Variants in ZNF407 observed in about 807,000 individuals in gnomAD.
The protein encoded by ZNF407 is zinc finger protein 407.
ZNF407 carries 17 observed loss-of-function variants against 131.2 expected under a neutral mutation model. That is an observed-to-expected ratio of 0.13 (90% CI 0.09 to 0.19). The LOEUF is 0.19. ZNF407 is among the 10% of genes least tolerant of loss of function. ZNF407 has a pLI of 1.00. For missense variants in ZNF407, 2,681 were observed against 2,830.6 expected, an observed-to-expected ratio of 0.95 and a Z score of 1.20; for synonymous variants, 1,156 against 1,062.0, an observed-to-expected ratio of 1.09 and a Z score of -1.72.
chr18:75,026,524 A>G (rs1027962952), intron 8 of ZNF407, among the ~76,000 whole-genome samples: 1 of 152,240 alleles, frequency 6.6e-6, no homozygotes, highest in Non-Finnish European at 1.5e-5. Flanking sequence ...AATTTGTTAT[A>G]TGAAACACAA....
chr18:74,920,712 A>G lies in ZNF407; in HGVS notation c.5428+20A>G, dbSNP rs771089722. On this transcript the variant is annotated intron_variant, in intron 8 of 8. Coordinates refer to ENST00000299687, the MANE Select transcript of ZNF407 (RefSeq NM_017757.3). ...ATGCTGGTAAGGGACAGAAACTGTGAAAACTTGTTTCTAACAGGATTTCAT... is the reference window on the plus strand; with the variant it reads ...ATGCTGGTAAGGGACAGAAACTGTGGAAACTTGTTTCTAACAGGATTTCAT... 2.7e-5 allele frequency: 42 copies of G among 1,581,832 alleles called. No individual in the cohort carries two copies. In the East Asian group the frequency reaches 9.5e-4, roughly 36 times the overall value.
intron 8 of ZNF407, among the ~76,000 whole-genome samples, chr18:75,026,897 G>T (rs1973177351): frequency 6.6e-6 from 1 of 152,188 alleles, no homozygotes; most frequent in South Asian, 2.1e-4. Flanking sequence ...TGGAGCATCA[G>T]CTGGGTGTCA....
In ZNF407 at chr18:74,674,755, G is replaced by A. The variant is rs149246361; in HGVS notation, c.4802+33633G>A. On this transcript the variant is annotated intron_variant, in intron 3 of 8. Transcript: ENST00000299687. ...TATTCCTCTAGTGAAACAGCAATAG[G>A]CAATGTGTAAATGAGTTAGTGTGGC... Among the ~76,000 whole-genome samples, 797 of 152,250 alleles carry A rather than the reference G, an allele frequency of 5.2e-3. 16 individuals are homozygous for A. Among genetic ancestry groups the A allele is most frequent in the East Asian group, 0.033 (172 of 5,182 alleles).
intron 8 of ZNF407, among the ~76,000 whole-genome samples, chr18:75,055,730 C>A (rs1413709005): frequency 6.6e-6 from 1 of 152,076 alleles, no homozygotes; most frequent in African/African-American, 2.4e-5. Flanking sequence ...TGTGAATTTC[C>A]AGAATTCTTT....
chr18:75,033,527 TG>T (rs1385025680), intron 8 of ZNF407, among the ~76,000 whole-genome samples: 4 of 152,126 alleles, frequency 2.6e-5, no homozygotes, highest in Non-Finnish European at 4.4e-5. Context: ...CCGTCCCTTG[TG>T]GGGATTCAGA....
At chr18:74,971,255 T>C (rs1972468945) in intron 8 of ZNF407, among the ~76,000 whole-genome samples, 1 of 152,130 alleles carries the variant, frequency 6.6e-6, no homozygotes, top group Non-Finnish European at 1.5e-5. Context: ...TCCCCATAGG[T>C]TTGGGGATTA....
intron 3 of ZNF407, among the ~76,000 whole-genome samples, chr18:74,751,969 G>C (rs533268904): frequency 5.9e-5 from 9 of 152,110 alleles, no homozygotes; most frequent in Admixed American, 3.3e-4. Context: ...AATGGTTGAA[G>C]TAGTTTACAG....
intron 2 of ZNF407, among the ~76,000 whole-genome samples, chr18:74,638,004 A>G (rs575727895): frequency 6.6e-5 from 10 of 152,124 alleles, no homozygotes; most frequent in Non-Finnish European, 8.8e-5. Flanking sequence ...GGACTAAAAA[A>G]CTTCGTTTTC....
At chr18:74,608,077 C>T (rs1982886754) in intron 1 of ZNF407, among the ~76,000 whole-genome samples, 1 of 152,160 alleles carries the variant, frequency 6.6e-6, no homozygotes, top group Non-Finnish European at 1.5e-5. Flanking sequence ...AAACTTTCTA[C>T]TTTGAAATAA....
intron 4 of ZNF407, among the ~76,000 whole-genome samples, chr18:74,867,583 T>G (rs990274058): frequency 1.3e-5 from 2 of 152,316 alleles, no homozygotes; most frequent in Admixed American, 6.5e-5. Flanking sequence ...AGTATCTGAC[T>G]GCAAATGTGA....
intron 3 of ZNF407, among the ~76,000 whole-genome samples, chr18:74,687,241 G>A (rs561064114): frequency 2.0e-5 from 3 of 152,274 alleles, no homozygotes; most frequent in South Asian, 2.1e-4. Context: ...CCAGGTCCTC[G>A]AGAGGCTGAG....
At chr18:74,922,076 A>G (rs903502359) in intron 8 of ZNF407, among the ~76,000 whole-genome samples, 4 of 152,252 alleles carry the variant, frequency 2.6e-5, no homozygotes, top group Non-Finnish European at 4.4e-5. Context: ...CAAACAAACA[A>G]AAACAGAGGT....
At chr18:75,000,621 T>A (rs1972833818) in intron 8 of ZNF407, among the ~76,000 whole-genome samples, 1 of 152,162 alleles carries the variant, frequency 6.6e-6, no homozygotes, top group South Asian at 2.1e-4. Context: ...TGCAAAAAAA[T>A]AGCTATCTGG....
chr18:74,706,940 C>CTTTT (rs34700805), intron 3 of ZNF407, among the ~76,000 whole-genome samples: 2 of 132,352 alleles, frequency 1.5e-5, no homozygotes, highest in Admixed American at 7.4e-5. Flanking sequence ...AAGACAGCAG[C>CTTTT]TTTTTTTTTT....
At chr18:74,754,252 G>T (rs750817094) in intron 3 of ZNF407, among the ~76,000 whole-genome samples, 1 of 151,878 alleles carries the variant, frequency 6.6e-6, no homozygotes, top group South Asian at 2.1e-4. Context: ...TTCTTCATTA[G>T]TCTTGCTAGC....
intron 3 of ZNF407, among the ~76,000 whole-genome samples, chr18:74,731,565 T>G (rs924858913): frequency 1.3e-5 from 2 of 152,178 alleles, no homozygotes; most frequent in African/African-American, 2.4e-5. Flanking sequence ...TAATTAGGAG[T>G]AATGAAGTCA....
At chr18:74,621,717 C>A (rs1332938252) in intron 1 of ZNF407, among the ~76,000 whole-genome samples, 1 of 152,198 alleles carries the variant, frequency 6.6e-6, no homozygotes, top group Non-Finnish European at 1.5e-5. Context: ...CTGTCCCTTA[C>A]AAACAGCTCC....
chr18:74,989,802 G>T (rs952474940), intron 8 of ZNF407, among the ~76,000 whole-genome samples: 4 of 149,232 alleles, frequency 2.7e-5, no homozygotes, highest in Non-Finnish European at 5.9e-5. Flanking sequence ...AAGATCCCAC[G>T]ACTGTACTCC....
At chr18:74,675,901 ATTG>A (rs753316464) in intron 3 of ZNF407, among the ~76,000 whole-genome samples, 2 of 152,166 alleles carry the variant, frequency 1.3e-5, no homozygotes, top group Non-Finnish European at 2.9e-5. Flanking sequence ...TAAAGCCTTC[ATTG>A]TTGTTGTTTT....
Sources: allele counts gnomAD v4.1 joint callset (sites outside exome capture counted in the v4.1 genomes callset), GRCh38; gene constraint gnomAD v4.1.1; transcripts MANE v1.5; gene names NCBI Gene and HGNC (gene_info 2026-07-23, HGNC 2026-07-21).